The following PIK3C2G variants were observed in gnomAD, a reference collection of about 807,000 sequenced individuals.
PIK3C2G encodes phosphatidylinositol 3-kinase C2 domain-containing subunit gamma.
PIK3C2G carries 168 observed loss-of-function variants against 181.1 expected under a neutral mutation model. The ratio of observed to expected loss-of-function variants is 0.93; its 90% confidence interval spans 0.82 to 1.05. The LOEUF (loss-of-function observed/expected upper bound fraction) is 1.05, where lower values mean the gene tolerates loss of function less well. Among genes scored for constraint, PIK3C2G ranks in the 50% least tolerant of loss-of-function variants. The pLI is 0.00. For synonymous variants in PIK3C2G, 573 were observed against 592.2 expected, an observed-to-expected ratio of 0.97 and a Z score of 0.47; for missense variants, 1,869 against 1,732.8, an observed-to-expected ratio of 1.08 and a Z score of -1.40.
intron 29 of PIK3C2G, among the ~76,000 whole-genome samples, chr12:18,590,731 G>T (rs1394618805): frequency 6.6e-6 from 1 of 151,940 alleles, no homozygotes; most frequent in East Asian, 1.9e-4. Context: ...TTGAGATCCA[G>T]TAATATTACT....
intron 19 of PIK3C2G, among the ~76,000 whole-genome samples, chr12:18,489,600 G>T (rs542694188): frequency 6.6e-6 from 1 of 152,082 alleles, no homozygotes; most frequent in African/African-American, 2.4e-5. Context: ...TTTTAAATGG[G>T]AGATATATAG....
intron 24 of PIK3C2G, among the ~76,000 whole-genome samples, chr12:18,509,316 G>A (rs538672266): frequency 1.1e-4 from 16 of 152,176 alleles, no homozygotes; most frequent in Admixed American, 2.0e-4. Context: ...TCAAAGTGCT[G>A]AGATTACAGG....
chr12:18,691,850 A>G, the PIK3C2G span, among the ~76,000 whole-genome samples: 1 of 152,270 alleles, frequency 6.6e-6, no homozygotes, highest in African/African-American at 2.4e-5. Flanking sequence ...AAAGCCAGCT[A>G]CATACTTCAC....
the PIK3C2G span, chr12:18,683,043 G>A: frequency 8.3e-6 from 5 of 599,784 alleles, no homozygotes; most frequent in African/African-American, 1.9e-5. Flanking sequence ...GCCATGCTGG[G>A]TTAGGACCCT....
rs1424459751 is a variant in PIK3C2G, at chr12:18,282,721, C to T, written c.640C>T (p.Pro214Ser). The change falls in exon 2 of 33, where the codon CCC becomes TCC. Residue 214 changes from proline (P) to serine (S), a missense_variant. Physicochemically the swap from Pro to Ser is moderately conservative, Grantham distance 74. Transcript: ENST00000538779. ...SLMLLKGSLQPGMWESTWQKN... is the reference protein window; with the variant it reads ...SLMLLKGSLQSGMWESTWQKN... ...GATGCTTTTGAAAGGCTCTCTTCAA[C>T]CCGGAATGTGGGAAAGTACATGGCA... The T allele has an allele frequency of 1.9e-6, 3 of 1,610,788 alleles. No individual in the cohort carries two copies. Among genetic ancestry groups the T allele is most frequent in the Non-Finnish European group, 2.5e-6 (3 of 1,178,654 alleles).
At chr12:18,555,721 G>A (rs74486180) in intron 26 of PIK3C2G, among the ~76,000 whole-genome samples, 3 of 151,906 alleles carry the variant, frequency 2.0e-5, no homozygotes, top group Non-Finnish European at 4.4e-5. Flanking sequence ...AAGGTTCATT[G>A]TCTTAGTACC....
intron 18 of PIK3C2G, among the ~76,000 whole-genome samples, chr12:18,470,486 G>A (rs1370837421): frequency 6.6e-6 from 1 of 152,134 alleles, no homozygotes; most frequent in Non-Finnish European, 1.5e-5. Context: ...TCTGCAAAGG[G>A]CTGAATGCTT....
chr12:18,525,801 T>C (rs770962821), intron 24 of PIK3C2G, among the ~76,000 whole-genome samples: 1 of 152,148 alleles, frequency 6.6e-6, no homozygotes, highest in South Asian at 2.1e-4. Context: ...TTTAAAGACA[T>C]AGAAAATGAT....
chr12:18,676,043 A>C, the PIK3C2G span, among the ~76,000 whole-genome samples: 1 of 152,138 alleles, frequency 6.6e-6, no homozygotes, highest in Non-Finnish European at 1.5e-5. Flanking sequence ...AGGAAAAAAA[A>C]TTATACCATC....
At chr12:18,592,089 T>C (rs1947113418) in intron 29 of PIK3C2G, among the ~76,000 whole-genome samples, 1 of 151,858 alleles carries the variant, frequency 6.6e-6, no homozygotes, top group Non-Finnish European at 1.5e-5. Flanking sequence ...TGTGGTTTGA[T>C]TTGTGCTTAG....
At chr12:18,662,415 C>A in the PIK3C2G span, among the ~76,000 whole-genome samples, 1 of 150,818 alleles carries the variant, frequency 6.6e-6, no homozygotes. Flanking sequence ...TAAACAAAAG[C>A]TGAGGAAATT....
At chr12:18,698,631 T>C in the PIK3C2G span, among the ~76,000 whole-genome samples, 1 of 152,088 alleles carries the variant, frequency 6.6e-6, no homozygotes, top group Non-Finnish European at 1.5e-5. Context: ...GTAGATTGCA[T>C]TTTTTTAACT....
the PIK3C2G span, among the ~76,000 whole-genome samples, chr12:18,667,070 G>T: frequency 3.0e-3 from 452 of 152,208 alleles, 3 homozygotes; most frequent in African/African-American, 9.9e-3. Context: ...GCATCACAGT[G>T]GGGGGAAGTT....
intron 3 of PIK3C2G, among the ~76,000 whole-genome samples, chr12:18,287,874 A>G (rs1949519303): frequency 7.3e-6 from 1 of 137,172 alleles, no homozygotes; most frequent in South Asian, 2.4e-4. Flanking sequence ...AAAGAAAAAA[A>G]AAATAGGCTG....
intron 29 of PIK3C2G, among the ~76,000 whole-genome samples, chr12:18,575,273 G>A (rs1946176177): frequency 6.6e-6 from 1 of 152,150 alleles, no homozygotes; most frequent in African/African-American, 2.4e-5. Flanking sequence ...ACTGATATAA[G>A]AATGTTAAAT....
chr12:18,625,357 C>T lies in PIK3C2G; in HGVS notation c.4183-15072C>T, dbSNP rs565926105. ...AAATTCCTCCTGTTACTGATTTCTA[C>T]TCACATATCATTGTGGTTAGAAAAG... On this transcript the variant is annotated intron_variant, in intron 31 of 32. Coordinates refer to ENST00000538779, the MANE Select transcript of PIK3C2G (RefSeq NM_001288772.2). 4.6e-5 allele frequency among the ~76,000 whole-genome samples: 7 copies of T among 151,624 alleles called. No homozygotes were observed. The South Asian group carries it at 1.2e-3, about 27-fold the overall frequency.
chr12:18,682,400 C>T, the PIK3C2G span, among the ~76,000 whole-genome samples: 1 of 151,942 alleles, frequency 6.6e-6, no homozygotes, highest in East Asian at 1.9e-4. Context: ...GTGCTGGGTG[C>T]TTTCACATCA....
intron 29 of PIK3C2G, among the ~76,000 whole-genome samples, chr12:18,584,895 A>G (rs748784732): frequency 2.0e-5 from 3 of 152,250 alleles, no homozygotes; most frequent in African/African-American, 7.2e-5. Flanking sequence ...TATTCAACAT[A>G]CTTAAAGAAA....
chr12:18,291,848 T>G (rs958529830), intron 4 of PIK3C2G, among the ~76,000 whole-genome samples: 1 of 150,668 alleles, frequency 6.6e-6, no homozygotes, highest in African/African-American at 2.5e-5. Flanking sequence ...GTTAAGACCC[T>G]CTTGGTTGGA....
Sources: allele counts gnomAD v4.1 joint callset (sites outside exome capture counted in the v4.1 genomes callset), GRCh38; gene constraint gnomAD v4.1.1; transcripts MANE v1.5; gene names NCBI Gene and HGNC (gene_info 2026-07-23, HGNC 2026-07-21).